Variants in UNC79 observed in about 807,000 individuals in gnomAD.
UNC79 encodes unc-79 subunit of NALCN channel complex, also known as protein unc-79 homolog.
In UNC79, 37 loss-of-function variants were observed where a neutral mutation model predicts 283.1. The ratio of observed to expected loss-of-function variants is 0.13; its 90% CI spans 0.10 to 0.17. The LOEUF is 0.17. Among genes scored for constraint, UNC79 ranks in the 10% least tolerant of loss-of-function variants. UNC79 has a pLI of 1.00. For missense variants in UNC79, 2,272 were observed against 3,211.1 expected, an observed-to-expected ratio of 0.71 and a Z score of 7.07; for synonymous variants, 1,107 against 1,200.2, an observed-to-expected ratio of 0.92 and a Z score of 1.61.
At chr14:93,465,098 C>T (rs1004652703) in intron 1 of UNC79, among the ~76,000 whole-genome samples, 1 of 152,162 alleles carries the variant, frequency 6.6e-6, no homozygotes, top group Non-Finnish European at 1.5e-5. Context: ...TCCTCTTTCT[C>T]TGTCCCACTT....
intron 1 of UNC79, among the ~76,000 whole-genome samples, chr14:93,422,113 G>A (rs1267610711): frequency 6.6e-6 from 1 of 151,710 alleles, no homozygotes; most frequent in East Asian, 1.9e-4. Context: ...ATGGGCCCAA[G>A]GTAGTTATGG....
rs149896947 is a variant in UNC79 at position 93,352,172 on chromosome 14, G to T, written c.-351+18649G>T. 3.2e-3 allele frequency among the ~76,000 whole-genome samples: 489 copies of T among 152,298 alleles called. 3 individuals are homozygous for T. The highest frequency in any genetic ancestry group is 0.011 in the African/African-American group (463 of 41,568). On this transcript the variant is annotated intron_variant, in intron 1 of 49. Coordinates refer to the UNC79 transcript ENST00000256339. ...TAAGATCTATCTTCGCTGTTCACTG[G>T]TTGCAAACCTGCTCCTAGGCCCTTT... is the stretch of plus-strand genomic sequence containing the variant.
upstream of UNC79, among the ~76,000 whole-genome samples, chr14:93,428,360 G>A (rs2055775791): frequency 1.3e-5 from 2 of 152,148 alleles, no homozygotes; most frequent in South Asian, 2.1e-4. Context: ...ATAATTAGAG[G>A]CATAGGTTTG....
intron 14 of UNC79, among the ~76,000 whole-genome samples, chr14:93,550,517 A>AT (rs2061827275): frequency 1.1e-5 from 1 of 92,904 alleles, no homozygotes; most frequent in African/African-American, 4.8e-5. Context: ...TCCGTATCAA[A>AT]AAAAAAAAAA....
intron 1 of UNC79, among the ~76,000 whole-genome samples, chr14:93,405,881 A>G (rs1010335458): frequency 6.6e-6 from 1 of 152,208 alleles, no homozygotes; most frequent in African/African-American, 2.4e-5. Flanking sequence ...TCTCTCCACT[A>G]CTTTCCCCAA....
chr14:93,572,034 C>T, exon 15 of UNC79: 3 of 1,614,166 alleles, frequency 1.9e-6, no homozygotes, highest in Non-Finnish European at 2.5e-6. Flanking sequence ...TGGAAGCCAT[C>T]AGAACAGAAG....
intron 32 of UNC79, among the ~76,000 whole-genome samples, chr14:93,637,639 G>T (rs1190675556): frequency 6.6e-6 from 1 of 152,162 alleles, no homozygotes; most frequent in Non-Finnish European, 1.5e-5. Context: ...TGTACTTTTA[G>T]TAGAGATGAG....
At chr14:93,704,766 A>T in intron 48 of UNC79, 100 bp downstream of exon 51, 1 of 1,438,310 alleles carries the variant, frequency 7.0e-7, no homozygotes, top group Non-Finnish European at 9.8e-7. Flanking sequence ...GAGAAGGATG[A>T]ATTCAACCTG....
intron 41 of UNC79, among the ~76,000 whole-genome samples, chr14:93,680,893 C>T (rs944476657): frequency 2.0e-5 from 3 of 152,196 alleles, no homozygotes; most frequent in Non-Finnish European, 4.4e-5. Flanking sequence ...AGTGTTCCTT[C>T]TGTTCACTGT....
At chr14:93,600,019 T>C (rs1257629765) in intron 24 of UNC79, among the ~76,000 whole-genome samples, 1 of 151,984 alleles carries the variant, frequency 6.6e-6, no homozygotes, top group African/African-American at 2.4e-5. Context: ...GCTAACACAG[T>C]GAAACCTCGT....
At chr14:93,533,275 G>T (rs2141083970) in intron 11 of UNC79, among the ~76,000 whole-genome samples, 1 of 152,274 alleles carries the variant, frequency 6.6e-6, no homozygotes, top group Non-Finnish European at 1.5e-5. Flanking sequence ...GATGTTGATT[G>T]TGAGTAGGTA....
chr14:93,643,356 G>A (rs185292006), intron 33 of UNC79, among the ~76,000 whole-genome samples: 5 of 152,270 alleles, frequency 3.3e-5, no homozygotes, highest in East Asian at 1.9e-4. Flanking sequence ...AGGCACCTTC[G>A]TGGTCTCTAC....
intron 14 of UNC79, among the ~76,000 whole-genome samples, chr14:93,558,593 ATTTTTTTTTTTTTTTTTTTTTTTTT>A (rs71129647): frequency 3.0e-4 from 19 of 62,778 alleles, no homozygotes; most frequent in African/African-American, 8.8e-4. Context: ...AGAAACAGGG[ATTTTTTTTTTTTTTTTTTTTTTTTT>A]TTTTTTTTTT....
chr14:93,450,921 T>C (rs980084268), intron 1 of UNC79, among the ~76,000 whole-genome samples: 1 of 152,154 alleles, frequency 6.6e-6, no homozygotes, highest in Non-Finnish European at 1.5e-5. Flanking sequence ...GAATTTGTCA[T>C]TTCTCTTTTA....
At chr14:93,603,749 A>G (rs992489589) in intron 26 of UNC79, among the ~76,000 whole-genome samples, 2 of 152,170 alleles carry the variant, frequency 1.3e-5, no homozygotes, top group Admixed American at 6.5e-5. Flanking sequence ...CCAGCCTTGT[A>G]TCCTAAGAGC....
In UNC79 at chr14:93,461,332, G is replaced by GTTT. The variant is rs1489389215; in HGVS notation, c.23-6337_23-6335dup. Among the ~76,000 whole-genome samples the GTTT allele has an allele frequency of 5.3e-5, 8 of 152,286 alleles. No individual in the cohort carries two copies. In the East Asian group the frequency reaches 7.7e-4, roughly 15 times the overall value. On this transcript the variant is annotated intron_variant, in intron 1 of 48. Transcript: ENST00000555664. ...TAAAAAGGAAAGATTTAAAACTTAC[G>GTTT]TTTTATACAATCCCAATTTTGTTAA... is the stretch of plus-strand genomic sequence containing the variant.
intron 1 of UNC79, among the ~76,000 whole-genome samples, chr14:93,402,804 A>G (rs2055137798): frequency 1.3e-5 from 2 of 152,192 alleles, no homozygotes; most frequent in Admixed American, 6.5e-5. Flanking sequence ...TGTGGTTCCC[A>G]CTGGCAGATA....
chr14:93,668,978 T>TAAAAAAAA (rs543609091), intron 40 of UNC79, among the ~76,000 whole-genome samples: 20 of 79,910 alleles, frequency 2.5e-4, no homozygotes, highest in Admixed American at 4.7e-4. Flanking sequence ...GAACATTGTC[T>TAAAAAAAA]AAAAAAAAAA....
chr14:93,338,100 C>T (rs1253349241), intron 1 of UNC79, among the ~76,000 whole-genome samples: 17 of 152,072 alleles, frequency 1.1e-4, no homozygotes, highest in South Asian at 2.1e-4. Flanking sequence ...TAGCACAAGC[C>T]GAGCGCAGCC....
Sources: allele counts gnomAD v4.1 joint callset (sites outside exome capture counted in the v4.1 genomes callset), GRCh38; gene constraint gnomAD v4.1.1; transcripts MANE v1.5; gene names NCBI Gene and HGNC (gene_info 2026-07-23, HGNC 2026-07-21).